FBXW11: variants seen among roughly 807,000 people sequenced by gnomAD.
FBXW11 encodes the protein F-box/WD repeat-containing protein 11.
Under a neutral mutation model 77.6 loss-of-function variants are expected in FBXW11, and 19 were observed. The ratio of observed to expected loss-of-function variants is 0.24; its 90% CI spans 0.17 to 0.36. The LOEUF is 0.36. Among genes scored for constraint, FBXW11 ranks in the 10% least tolerant of loss-of-function variants. The pLI is 1.00. For missense variants in FBXW11, 334 were observed against 704.2 expected (o/e 0.47, Z 5.95); for synonymous variants, 235 against 249.4 (o/e 0.94, Z 0.54).
chr5:171,959,499 C>T (rs1763784363), intron 1 of FBXW11, among the ~76,000 whole-genome samples: 2 of 151,534 alleles, frequency 1.3e-5, no homozygotes, highest in Non-Finnish European at 2.9e-5. Flanking sequence ...AATTTTTTTT[C>T]CATTAAGAAA....
At chr5:171,994,899 A>G (rs148197820) in intron 1 of FBXW11, among the ~76,000 whole-genome samples, 57 of 152,278 alleles carry the variant, frequency 3.7e-4, no homozygotes, top group African/African-American at 1.3e-3. Flanking sequence ...TTAGCTGGGC[A>G]TGGTGGCACG....
intron 7 of FBXW11, among the ~76,000 whole-genome samples, chr5:171,885,738 G>A (rs2113818800): frequency 6.6e-6 from 1 of 152,240 alleles, no homozygotes; most frequent in East Asian, 1.9e-4. Context: ...CCTATTTCTT[G>A]ACATGTACAA....
chr5:171,992,114 TAAAAAGAA>T (rs1267089392), intron 1 of FBXW11, among the ~76,000 whole-genome samples: 40 of 115,476 alleles, frequency 3.5e-4, no homozygotes, highest in Non-Finnish European at 6.5e-4. Context: ...GACTCCATCT[TAAAAAGAA>T]AAAAAGAAAA....
At position 171,870,269 on chromosome 5, in the gene FBXW11, C is replaced by A. The variant is rs538821804; in HGVS notation, c.1452-462G>T. Among the ~76,000 whole-genome samples the A allele has an allele frequency of 1.3e-3, 193 of 152,158 alleles. 1 individual carries two copies. Among genetic ancestry groups the A allele is most frequent in the Middle Eastern group, 3.4e-3 (1 of 294 alleles). ...ATTTGGGAAGTATATATAAGGTCAT[C>A]TGGAAAGATTTACAGTTGCCATTTG... On this transcript the variant is annotated intron_variant, in intron 11 of 13. Coordinates refer to ENST00000517395, the MANE Select transcript of FBXW11 (RefSeq NM_001378974.1).
At chr5:171,887,235 C>A (rs187490907) in intron 7 of FBXW11, among the ~76,000 whole-genome samples, 1 of 152,222 alleles carries the variant, frequency 6.6e-6, no homozygotes, top group East Asian at 1.9e-4. Flanking sequence ...CTGCCAACAT[C>A]CTCTAGATTC....
intron 2 of FBXW11, among the ~76,000 whole-genome samples, chr5:171,950,947 C>G (rs1353257443): frequency 6.6e-6 from 1 of 151,788 alleles, no homozygotes; most frequent in Non-Finnish European, 1.5e-5. Context: ...TGATAGTTGT[C>G]AGATTGCATA....
intron 1 of FBXW11, among the ~76,000 whole-genome samples, chr5:171,998,191 G>T (rs1766175570): frequency 6.6e-6 from 1 of 151,922 alleles, no homozygotes; most frequent in Admixed American, 6.6e-5. Context: ...GGAGAACAAT[G>T]AAAATACAGA....
intron 5 of FBXW11, 145 bp from the exon 6 acceptor site, chr5:171,899,239 T>C: frequency 1.8e-6 from 1 of 562,110 alleles, no homozygotes; most frequent in South Asian, 2.7e-5. Context: ...TTCTGACAAA[T>C]TTACATGTTA....
intron 6 of FBXW11, 111 bp downstream of exon 6, chr5:171,898,892 TA>T: frequency 1.8e-6 from 1 of 571,302 alleles, no homozygotes; most frequent in Non-Finnish European, 2.9e-6. Flanking sequence ...CTCAACTTTT[TA>T]AAAAAAATTA....
rs952982391 is a variant in FBXW11 at position 171,869,147 on chromosome 5, C to T, written c.1531-351G>A. 6.6e-6 allele frequency among the ~76,000 whole-genome samples: 1 copy of T among 152,184 alleles called. No individual in the cohort carries two copies. The highest frequency in any genetic ancestry group is 1.5e-5 in the Non-Finnish European group (1 of 68,028). The stretch of plus-strand genomic sequence containing the variant: ...GAACCAGAAAGACAGTTTGTTTTAA[C>T]ATGACCAGGATCTACCTCAAATTGC... On this transcript the variant is annotated intron_variant, in intron 12 of 13. Transcript: ENST00000517395. The surrounding 1 kb of genome is among the most constrained non-coding windows in gnomAD (Gnocchi z 4.1).
chr5:171,991,941 C>A (rs1365550181), intron 1 of FBXW11, among the ~76,000 whole-genome samples: 1 of 151,718 alleles, frequency 6.6e-6, no homozygotes, highest in Admixed American at 6.6e-5. Flanking sequence ...ATGGCAAAAC[C>A]CTATCTCTAC....
intron 7 of FBXW11, 114 bp from the exon 8 acceptor site, chr5:171,878,243 A>G (rs1758234861): frequency 1.4e-6 from 1 of 702,676 alleles, no homozygotes; most frequent in Non-Finnish European, 2.4e-6. Context: ...GTTACAGTAA[A>G]TAAGAAACAC....
chr5:171,886,297 T>C (rs936950681), intron 7 of FBXW11, among the ~76,000 whole-genome samples: 3 of 152,086 alleles, frequency 2.0e-5, no homozygotes, highest in Admixed American at 1.3e-4. Context: ...CTGGAAACCA[T>C]CATTCTCAGC....
intron 1 of FBXW11, among the ~76,000 whole-genome samples, chr5:171,982,495 A>G (rs993684125): frequency 6.6e-6 from 1 of 152,138 alleles, no homozygotes; most frequent in African/African-American, 2.4e-5. Flanking sequence ...GCTGGTCTCA[A>G]ACTCCTGACC....
intron 7 of FBXW11, among the ~76,000 whole-genome samples, chr5:171,880,927 C>T (rs1303948017): frequency 2.0e-5 from 3 of 152,176 alleles, no homozygotes; most frequent in Non-Finnish European, 2.9e-5. Context: ...AACTCCTGAC[C>T]TCAGATGATC....
intron 1 of FBXW11, among the ~76,000 whole-genome samples, chr5:171,983,771 G>A (rs1171284492): frequency 6.6e-6 from 1 of 151,996 alleles, no homozygotes; most frequent in Non-Finnish European, 1.5e-5. Flanking sequence ...CTAAATATAT[G>A]CCTACCCCCA....
At chr5:171,920,370 T>A (rs555765684) in intron 2 of FBXW11, among the ~76,000 whole-genome samples, 53 of 150,042 alleles carry the variant, frequency 3.5e-4, no homozygotes, top group Non-Finnish European at 6.2e-4. Context: ...ACAGATATGT[T>A]CGGTGAAGGA....
At chr5:171,878,889 C>T (rs761300295) in intron 7 of FBXW11, among the ~76,000 whole-genome samples, 9 of 152,116 alleles carry the variant, frequency 5.9e-5, no homozygotes, top group Non-Finnish European at 1.3e-4. Flanking sequence ...TTTACAAATG[C>T]ATACCCCTAC....
At chr5:171,996,456 C>T (rs1005495396) in intron 1 of FBXW11, among the ~76,000 whole-genome samples, 1 of 152,128 alleles carries the variant, frequency 6.6e-6, no homozygotes, top group African/African-American at 2.4e-5. Flanking sequence ...CATTCGAGCC[C>T]AGGAGTTCAA....
Sources: allele counts gnomAD v4.1 joint callset (sites outside exome capture counted in the v4.1 genomes callset), GRCh38; gene constraint gnomAD v4.1.1; non-coding constraint Gnocchi (gnomAD v3.1); transcripts MANE v1.5; gene names NCBI Gene and HGNC (gene_info 2026-07-23, HGNC 2026-07-21).